Variants in STEAP1B observed in about 807,000 individuals in gnomAD.
STEAP1B encodes STEAP family member 1B.
STEAP1B carries 13 observed loss-of-function variants against 27.9 expected under a neutral mutation model. The ratio of observed to expected loss-of-function variants is 0.47; its 90% CI spans 0.30 to 0.74. The LOEUF (loss-of-function observed/expected upper bound fraction) is 0.74, where lower values mean the gene tolerates loss of function less well. Among genes scored for constraint, STEAP1B ranks in the 30% least tolerant of loss-of-function variants. The probability of loss-of-function intolerance (pLI) is 0.06; values close to 1 mark genes in which losing one functional copy is unlikely to be tolerated. For missense variants in STEAP1B, 250 were observed against 298.7 expected, an observed-to-expected ratio of 0.84 and a Z score of 1.20; for synonymous variants, 86 against 107.1, an observed-to-expected ratio of 0.80 and a Z score of 1.22.
intron 4 of STEAP1B, among the ~76,000 whole-genome samples, chr7:22,430,559 T>C (rs1368393612): frequency 6.6e-6 from 1 of 152,214 alleles, no homozygotes; most frequent in Non-Finnish European, 1.5e-5. Context: ...AGTGAGTACA[T>C]CTTTTTCGCT....
chr7:22,434,456 G>A (rs1406354111), intron 4 of STEAP1B, among the ~76,000 whole-genome samples: 12 of 152,066 alleles, frequency 7.9e-5, no homozygotes, highest in Admixed American at 7.9e-4. Context: ...AAACAGATTT[G>A]TATGTAATTC....
At chr7:22,426,336 AG>A (rs572071594) in intron 4 of STEAP1B, among the ~76,000 whole-genome samples, 255 of 152,316 alleles carry the variant, frequency 1.7e-3, no homozygotes, top group African/African-American at 5.8e-3. Context: ...AAATCCTCAA[AG>A]GACAAAAAAA....
chr7:22,456,040 G>A (rs145804162), intron 4 of STEAP1B, among the ~76,000 whole-genome samples: 2,683 of 152,076 alleles, frequency 0.018, 97 homozygotes, highest in African/African-American at 0.062. Context: ...CCAGCTACTC[G>A]TGAGGCTGAG....
chr7:22,461,605 T>C (rs529620866), intron 4 of STEAP1B, among the ~76,000 whole-genome samples: 6 of 152,204 alleles, frequency 3.9e-5, no homozygotes, highest in Non-Finnish European at 8.8e-5. Flanking sequence ...AGCGTTTGAC[T>C]GACCTTCCCC....
chr7:22,449,285 C>T (rs189182947), intron 4 of STEAP1B, among the ~76,000 whole-genome samples: 1 of 152,290 alleles, frequency 6.6e-6, no homozygotes, highest in Non-Finnish European at 1.5e-5. Flanking sequence ...CCCTGATCTC[C>T]ATCCCAAACA....
At chr7:22,458,974 G>A (rs1562574454) in intron 4 of STEAP1B, among the ~76,000 whole-genome samples, 1 of 151,760 alleles carries the variant, frequency 6.6e-6, no homozygotes, top group Non-Finnish European at 1.5e-5. Context: ...AGATTAAAGA[G>A]AATCTGTTCC....
At chr7:22,468,457 G>A (rs1255387909) in intron 4 of STEAP1B, among the ~76,000 whole-genome samples, 1 of 152,066 alleles carries the variant, frequency 6.6e-6, no homozygotes, top group African/African-American at 2.4e-5. Flanking sequence ...AATGCAAAAT[G>A]GTACAGCCAC....
chr7:22,462,737 G>A (rs1298939432), intron 4 of STEAP1B, among the ~76,000 whole-genome samples: 23 of 151,690 alleles, frequency 1.5e-4, no homozygotes, highest in Admixed American at 1.5e-3. Flanking sequence ...AGTCCTTTGG[G>A]TATATAACCA....
chr7:22,492,478 A>G, intron 4 of STEAP1B, 87 bp downstream of exon 4: 1 of 1,423,290 alleles, frequency 7.0e-7, no homozygotes, highest in Non-Finnish European at 9.2e-7. Context: ...AACATTTGTT[A>G]TTTTTTATGG....
intron 4 of STEAP1B, among the ~76,000 whole-genome samples, chr7:22,488,062 A>T (rs571935556): frequency 6.6e-6 from 1 of 152,104 alleles, no homozygotes; most frequent in East Asian, 1.9e-4. Context: ...GCCACCCCAG[A>T]AACTGCTGTG....
chr7:22,429,181 T>C (rs149353939), intron 4 of STEAP1B, among the ~76,000 whole-genome samples: 15 of 152,328 alleles, frequency 9.8e-5, no homozygotes, highest in African/African-American at 3.6e-4. Flanking sequence ...CATAGGTTTA[T>C]ACCCTGGAGA....
At chr7:22,441,089 T>C (rs934812764) in intron 4 of STEAP1B, among the ~76,000 whole-genome samples, 3 of 151,626 alleles carry the variant, frequency 2.0e-5, no homozygotes, top group African/African-American at 7.3e-5. Context: ...TTAAAAAGAG[T>C]TTTATTTTTA....
Position 22,471,903 on chromosome 7 carries a change from A to G in STEAP1B, c.762+20662T>C, listed in dbSNP as rs868720824. Among the ~76,000 whole-genome samples, 923 of 151,488 alleles carry G rather than the reference A, an allele frequency of 6.1e-3. 8 individuals are homozygous for G. Among genetic ancestry groups the G allele is most frequent in the African/African-American group, 0.022 (888 of 41,264 alleles). ...GGGCAAACCTGTCTCCAAAAAAAAAAAAAAAAAAAAAAAAAGTTTTCATAT... is the reference window on the plus strand; with the variant it reads ...GGGCAAACCTGTCTCCAAAAAAAAAGAAAAAAAAAAAAAAAGTTTTCATAT... On this transcript the variant is annotated intron_variant, in intron 4 of 4. Coordinates refer to ENST00000678116, the MANE Select transcript of STEAP1B (RefSeq NM_001382447.1).
At chr7:22,477,961 A>G (rs925524226) in intron 4 of STEAP1B, among the ~76,000 whole-genome samples, 26 of 152,182 alleles carry the variant, frequency 1.7e-4, no homozygotes, top group African/African-American at 6.0e-4. Context: ...AAAAACACAC[A>G]GTACTCTTCC....
intron 4 of STEAP1B, among the ~76,000 whole-genome samples, chr7:22,476,111 A>C (rs1274225572): frequency 6.6e-6 from 1 of 152,156 alleles, no homozygotes; most frequent in East Asian, 1.9e-4. Flanking sequence ...GAGCCACTGC[A>C]CTGGTCTGAG....
intron 4 of STEAP1B, among the ~76,000 whole-genome samples, chr7:22,462,299 T>G (rs1785691951): frequency 6.7e-6 from 1 of 150,038 alleles, no homozygotes; most frequent in Non-Finnish European, 1.5e-5. Flanking sequence ...GTTACATATG[T>G]ATACATGTGC....
chr7:22,449,926 C>A (rs1785461017), intron 4 of STEAP1B, among the ~76,000 whole-genome samples: 1 of 152,204 alleles, frequency 6.6e-6, no homozygotes, highest in South Asian at 2.1e-4. Flanking sequence ...ATATGCCTGT[C>A]TGCCATTTGT....
At position 22,450,472 on chromosome 7, in the gene STEAP1B, A is replaced by G. The variant is rs1334215139; in HGVS notation, c.763-30636T>C. ...TATGTTCTTGGCACCCTTGTTGAAA[A>G]TAAGTTCACTGTAGGTGTCTGAATT... On this transcript the variant is annotated intron_variant, in intron 4 of 4. Coordinates refer to ENST00000678116, the MANE Select transcript of STEAP1B (RefSeq NM_001382447.1). Among the ~76,000 whole-genome samples, 7 of 152,190 alleles carry G rather than the reference A, an allele frequency of 4.6e-5. No individual in the cohort carries two copies. The South Asian group carries it at 1.0e-3, about 23-fold the overall frequency.
At chr7:22,488,876 A>G (rs542680131) in intron 4 of STEAP1B, among the ~76,000 whole-genome samples, 4 of 152,340 alleles carry the variant, frequency 2.6e-5, no homozygotes, top group African/African-American at 9.6e-5. Flanking sequence ...GCTCTTAGAA[A>G]TAAGCCAGGA....
Sources: allele counts gnomAD v4.1 joint callset (sites outside exome capture counted in the v4.1 genomes callset), GRCh38; gene constraint gnomAD v4.1.1; transcripts MANE v1.5; gene names NCBI Gene and HGNC (gene_info 2026-07-23, HGNC 2026-07-21).